ACOXL: variants seen among roughly 807,000 people sequenced by gnomAD.
ACOXL encodes acyl-coenzyme A oxidase-like protein.
In ACOXL, 70 loss-of-function variants were observed where a neutral mutation model predicts 71.9. The ratio of observed to expected loss-of-function variants is 0.97; its 90% CI spans 0.80 to 1.19. The LOEUF (loss-of-function observed/expected upper bound fraction) is 1.19. Among genes scored for constraint, ACOXL ranks in the 50% most tolerant of loss-of-function variants. The probability of loss-of-function intolerance (pLI) is 0.00; values close to 1 mark genes in which losing one functional copy is unlikely to be tolerated. For missense variants in ACOXL, 703 were observed against 736.3 expected (o/e 0.95, Z 0.52); for synonymous variants, 253 against 281.6 (o/e 0.90, Z 1.02).
At position 111,000,688 on chromosome 2, in the gene ACOXL, G is replaced by A. The variant is rs142523398; in HGVS notation, c.1281+4684G>A. 9.0e-3 allele frequency among the ~76,000 whole-genome samples: 1,375 copies of A among 152,226 alleles called. 8 individuals carry two copies. The highest frequency in any genetic ancestry group is 0.015 in the Non-Finnish European group (1,009 of 68,018). On this transcript the variant is annotated intron_variant, in intron 14 of 17. Transcript: ENST00000439055. ...GCTTGATATTCCTTGGCTTGCAGCC[G>A]CATCTCTCCAGGCTCCCCCTCTGTC...
At chr2:110,973,709 G>C (rs1179711900) in intron 12 of ACOXL, among the ~76,000 whole-genome samples, 1 of 152,198 alleles carries the variant, frequency 6.6e-6, no homozygotes, top group Non-Finnish European at 1.5e-5. Flanking sequence ...GAGAGACACT[G>C]GGTCACAAGG....
chr2:110,999,220 A>G (rs989314571), intron 14 of ACOXL, among the ~76,000 whole-genome samples: 1 of 152,094 alleles, frequency 6.6e-6, no homozygotes, highest in African/African-American at 2.4e-5. Context: ...TCTCATGGCC[A>G]TCCATCCATG....
At chr2:111,111,059 CA>C (rs1172434444) in intron 17 of ACOXL, among the ~76,000 whole-genome samples, 2 of 152,140 alleles carry the variant, frequency 1.3e-5, no homozygotes, top group Non-Finnish European at 2.9e-5. Context: ...TTTGTACTTA[CA>C]AAACTAAACT....
chr2:110,976,253 G>A (rs1213337577), intron 12 of ACOXL, among the ~76,000 whole-genome samples: 2 of 152,236 alleles, frequency 1.3e-5, no homozygotes, highest in Non-Finnish European at 2.9e-5. Flanking sequence ...CAACTGTAAT[G>A]TACCCATACA....
chr2:111,008,900 T>C (rs2064000733), intron 14 of ACOXL, among the ~76,000 whole-genome samples: 1 of 152,220 alleles, frequency 6.6e-6, no homozygotes, highest in Non-Finnish European at 1.5e-5. Flanking sequence ...ATGTTTTCAA[T>C]GTATTGTCTG....
intron 1 of ACOXL, among the ~76,000 whole-genome samples, chr2:110,745,370 C>A (rs1046974224): frequency 2.6e-5 from 4 of 152,168 alleles, no homozygotes; most frequent in African/African-American, 4.8e-5. Flanking sequence ...GTCACTGGGG[C>A]CAGGAGCAAG....
intron 16 of ACOXL, among the ~76,000 whole-genome samples, chr2:111,069,323 T>A (rs574349852): frequency 6.6e-6 from 1 of 152,022 alleles, no homozygotes; most frequent in Non-Finnish European, 1.5e-5. Flanking sequence ...AGCTAACTTT[T>A]GTATTTTTAG....
chr2:110,950,694 T>C (rs976150073), intron 12 of ACOXL, among the ~76,000 whole-genome samples: 8 of 152,198 alleles, frequency 5.3e-5, no homozygotes, highest in Non-Finnish European at 1.2e-4. Flanking sequence ...GACTTCTGAA[T>C]TTGTGATCAT....
intron 13 of ACOXL, among the ~76,000 whole-genome samples, chr2:110,989,449 G>T (rs2063078839): frequency 6.6e-6 from 1 of 152,116 alleles, no homozygotes; most frequent in Admixed American, 6.6e-5. Context: ...TGGGTTGGCT[G>T]TTCAGAATCT....
At chr2:110,740,193 T>C (rs151076471) in intron 1 of ACOXL, among the ~76,000 whole-genome samples, 54 of 152,358 alleles carry the variant, frequency 3.5e-4, no homozygotes, top group African/African-American at 1.3e-3. Flanking sequence ...GTGATGCCGA[T>C]GGGACAGAGG....
At chr2:110,984,220 C>G (rs1416701877) in intron 12 of ACOXL, among the ~76,000 whole-genome samples, 19 of 152,076 alleles carry the variant, frequency 1.2e-4, no homozygotes, top group Admixed American at 1.2e-3. Context: ...TTTGCAACTT[C>G]TGTGAGTCTA....
intron 15 of ACOXL, among the ~76,000 whole-genome samples, chr2:111,042,273 T>G (rs2065820693): frequency 6.6e-6 from 1 of 152,252 alleles, no homozygotes; most frequent in Non-Finnish European, 1.5e-5. Flanking sequence ...TTTCAGTACC[T>G]CCTATTTGCC....
At chr2:111,062,932 G>T (rs749925584) in intron 16 of ACOXL, among the ~76,000 whole-genome samples, 16 of 152,038 alleles carry the variant, frequency 1.1e-4, no homozygotes, top group Non-Finnish European at 1.9e-4. Context: ...CTAACAAGAA[G>T]ACACAAGCTA....
chr2:111,066,854 C>T (rs1056353807), intron 16 of ACOXL, among the ~76,000 whole-genome samples: 2 of 151,980 alleles, frequency 1.3e-5, no homozygotes, highest in South Asian at 2.1e-4. Context: ...ATACATTTTA[C>T]GCATGATATG....
At chr2:110,843,197 G>A (rs1156779333) in intron 10 of ACOXL, among the ~76,000 whole-genome samples, 1 of 152,192 alleles carries the variant, frequency 6.6e-6, no homozygotes, top group Admixed American at 6.5e-5. Flanking sequence ...TGACAAGCTT[G>A]CCCTTCCCCA....
chr2:111,072,543 A>G (rs912949635), intron 16 of ACOXL, among the ~76,000 whole-genome samples: 14 of 152,228 alleles, frequency 9.2e-5, no homozygotes, highest in African/African-American at 2.7e-4. Flanking sequence ...TAGAGCTGCT[A>G]TAAGTATTCA....
chr2:110,745,519 T>G (rs1276191030), intron 1 of ACOXL, among the ~76,000 whole-genome samples: 2 of 147,228 alleles, frequency 1.4e-5, no homozygotes, highest in Non-Finnish European at 2.9e-5. Flanking sequence ...CAGCAGATGC[T>G]TTCCCTTAGT....
chr2:110,867,977 G>A (rs1031624398), intron 10 of ACOXL, among the ~76,000 whole-genome samples: 2 of 152,114 alleles, frequency 1.3e-5, no homozygotes, highest in African/African-American at 4.8e-5. Context: ...TGGCTAGGCT[G>A]GTCTTGAACT....
Position 111,026,959 on chromosome 2 carries a change from C to T in ACOXL, c.1282-4668C>T, listed in dbSNP as rs1047213929. Among the ~76,000 whole-genome samples, 5 of 150,650 alleles carry T rather than the reference C, an allele frequency of 3.3e-5. No individual in the cohort carries two copies. The South Asian group carries it at 6.3e-4, about 19-fold the overall frequency. Reference sequence around the variant, plus strand: ...TTGCCCAGGCTGGAGTGCAGTGATACGATCATGGCTCACTGCACCTTGACC... The same window carrying T: ...TTGCCCAGGCTGGAGTGCAGTGATATGATCATGGCTCACTGCACCTTGACC... On this transcript the variant is annotated intron_variant, in intron 14 of 17. Coordinates refer to ENST00000439055, the MANE Select transcript of ACOXL (RefSeq NM_001142807.4).
Sources: allele counts gnomAD v4.1 joint callset (sites outside exome capture counted in the v4.1 genomes callset), GRCh38; gene constraint gnomAD v4.1.1; transcripts MANE v1.5; gene names NCBI Gene and HGNC (gene_info 2026-07-23, HGNC 2026-07-21).